The following KLHL4 variants were observed in gnomAD, a reference collection of about 807,000 sequenced individuals.
KLHL4 encodes the protein kelch like family member 4, also known as kelch-like protein 4.
A neutral mutation model predicts 45.8 loss-of-function variants in KLHL4; 17 were observed. The observed-to-expected ratio is 0.37, with a 90% CI of 0.25 to 0.56. The LOEUF is 0.56. Ranked by LOEUF, KLHL4 falls within the 20% of genes least tolerant of loss-of-function variation. The probability of loss-of-function intolerance (pLI) is 0.79; values close to 1 mark genes in which losing one functional copy is unlikely to be tolerated. For synonymous variants in KLHL4, 224 were observed against 189.9 expected (o/e 1.18, Z -1.47); for missense variants, 544 against 544.9 (o/e 1.00, Z 0.02).
At chrX:87,533,783 T>C (rs1049128715) in intron 1 of KLHL4, among the ~76,000 whole-genome samples, 7 of 111,470 alleles carry the variant, frequency 6.3e-5, no homozygotes, top group African/African-American at 2.3e-4. Flanking sequence ...AATTTTCTCA[T>C]TGTTAGTAAT....
intron 9 of KLHL4, among the ~76,000 whole-genome samples, chrX:87,657,109 A>G (rs1160862314): frequency 2.7e-5 from 3 of 111,786 alleles, no homozygotes; most frequent in Non-Finnish European, 5.6e-5. Flanking sequence ...CATTGGTGTC[A>G]ATGGATTTTG....
At chrX:87,576,756 G>A (rs1054138541) in intron 1 of KLHL4, among the ~76,000 whole-genome samples, 6 of 111,266 alleles carry the variant, frequency 5.4e-5, no homozygotes, top group Non-Finnish European at 1.1e-4. Flanking sequence ...TTGATCAATT[G>A]TATGCAGTCT....
intron 1 of KLHL4, among the ~76,000 whole-genome samples, chrX:87,541,910 G>A (rs1168651996): frequency 9.0e-6 from 1 of 111,672 alleles, no homozygotes; most frequent in South Asian, 3.8e-4. Flanking sequence ...ATAGTAATGT[G>A]AGCAACGAAG....
chrX:87,556,369 G>A (rs1322978136), intron 1 of KLHL4, among the ~76,000 whole-genome samples: 1 of 109,794 alleles, frequency 9.1e-6, no homozygotes, highest in Admixed American at 9.8e-5. Context: ...CATGTCCTTT[G>A]TAGGGACATG....
At chrX:87,533,664 C>A (rs1931361908) in intron 1 of KLHL4, among the ~76,000 whole-genome samples, 1 of 108,898 alleles carries the variant, frequency 9.2e-6, no homozygotes, top group East Asian at 2.9e-4. Flanking sequence ...TGTAACTAAC[C>A]TGCACATTGT....
Position 87,667,093 on chromosome X carries a change from A to AAAAAT in KLHL4, c.*562_*563insATAAA, listed in dbSNP as rs1180365115. 1.3e-6 allele frequency: 1 copy of AAAAAT among 748,121 alleles called. No individual in the cohort carries two copies. Among genetic ancestry groups the AAAAAT allele is most frequent in the Non-Finnish European group, 1.6e-6 (1 of 635,737 alleles). The allele number at this position is 748,121 out of a possible 1,213,427, so 61.7% of individuals were successfully genotyped here. ...AAGCTTTTACTGTGTTGAAGCTAAA[A>AAAAAT]AAATAATGGCTCTTTGACAAAACTT... On this transcript the variant is annotated 3_prime_UTR_variant, in exon 11 of 11. Coordinates refer to ENST00000373119, the MANE Select transcript of KLHL4 (RefSeq NM_019117.5).
intron 1 of KLHL4, among the ~76,000 whole-genome samples, chrX:87,527,961 C>T (rs977167268): frequency 1.6e-4 from 18 of 111,226 alleles, no homozygotes; most frequent in African/African-American, 2.9e-4. Context: ...AATTCTGTAA[C>T]ATCACAACCT....
At chrX:87,558,923 G>T (rs1932037577) in intron 1 of KLHL4, among the ~76,000 whole-genome samples, 1 of 112,027 alleles carries the variant, frequency 8.9e-6, no homozygotes, top group Non-Finnish European at 1.9e-5. Context: ...TTAAAATAGG[G>T]TAATAAAAAC....
intron 9 of KLHL4, among the ~76,000 whole-genome samples, chrX:87,639,906 G>T (rs766671284): frequency 1.8e-5 from 2 of 109,891 alleles, no homozygotes; most frequent in Non-Finnish European, 3.8e-5. Context: ...ACACACAGCT[G>T]GTTCTTTGAA....
intron 1 of KLHL4, among the ~76,000 whole-genome samples, chrX:87,606,788 C>A (rs1922212613): frequency 1.8e-5 from 2 of 111,035 alleles, no homozygotes; most frequent in African/African-American, 6.5e-5. Context: ...TGTTTATCAG[C>A]ATTATTAATT....
intron 1 of KLHL4, among the ~76,000 whole-genome samples, chrX:87,521,853 G>T (rs1931007799): frequency 8.9e-6 from 1 of 112,195 alleles, no homozygotes; most frequent in South Asian, 3.7e-4. Context: ...GTGATTTTAG[G>T]ATCACATGTG....
In KLHL4 at chrX:87,669,237, A is replaced by T; in HGVS notation, c.*2703A>T. 1.7e-6 allele frequency: 2 copies of T among 1,157,868 alleles called. No individual in the cohort carries two copies. The highest frequency in any genetic ancestry group is 2.3e-6 in the Non-Finnish European group (2 of 866,788). On this transcript the variant is annotated 3_prime_UTR_variant, in exon 11 of 11. Transcript: ENST00000373119. ...TTCTTGATTTTTTTCTATAATCACTATGACCGTGTTCACGATTCCCTACTC... is the reference window on the plus strand; with the variant it reads ...TTCTTGATTTTTTTCTATAATCACTTTGACCGTGTTCACGATTCCCTACTC...
At chrX:87,550,615 G>T (rs1931790592) in intron 1 of KLHL4, among the ~76,000 whole-genome samples, 1 of 110,960 alleles carries the variant, frequency 9.0e-6, no homozygotes, top group Non-Finnish European at 1.9e-5. Context: ...TAACAAAATA[G>T]TAGCTAACTG....
rs192357813 is a variant in KLHL4 at position 87,637,192 on chromosome X, C to A, written c.1925+1417C>A. On this transcript the variant is annotated intron_variant, in intron 9 of 10. Coordinates refer to ENST00000373119, the MANE Select transcript of KLHL4 (RefSeq NM_019117.5). ...AGGACTCATGGCAGACACTCCCCACCCCAGTAGCTCTGCTGGGTGGCTAGA... is the reference window on the plus strand; with the variant it reads ...AGGACTCATGGCAGACACTCCCCACACCAGTAGCTCTGCTGGGTGGCTAGA... Among the ~76,000 whole-genome samples the A allele has an allele frequency of 1.5e-3, 169 of 111,495 alleles. 1 individual carries two copies. Among genetic ancestry groups the A allele is most frequent in the African/African-American group, 5.2e-3 (160 of 30,633 alleles).
intron 8 of KLHL4, 126 bp from the exon 9 acceptor site, chrX:87,635,437 A>T: frequency 6.3e-6 from 3 of 478,261 alleles, no homozygotes; most frequent in Non-Finnish European, 1.1e-5. Context: ...TAGAATATAT[A>T]GTCAGACCCT....
At chrX:87,593,204 A>G (rs1921732555) in intron 1 of KLHL4, among the ~76,000 whole-genome samples, 1 of 111,031 alleles carries the variant, frequency 9.0e-6, no homozygotes, top group African/African-American at 3.3e-5. Context: ...CTTGGAGTTC[A>G]TTATACTTCT....
rs191605910 is a variant in KLHL4, at chrX:87,565,056, G to A, written c.422+46741G>A. ...AATATTTAGAAATTAAAGAATACACGTTTGAACAAGGAATGGGTGAACAAA... is the reference window on the plus strand; with the variant it reads ...AATATTTAGAAATTAAAGAATACACATTTGAACAAGGAATGGGTGAACAAA... On this transcript the variant is annotated intron_variant, in intron 1 of 10. Coordinates refer to ENST00000373119, the MANE Select transcript of KLHL4 (RefSeq NM_019117.5). Among the ~76,000 whole-genome samples, 572 of 111,952 alleles carry A rather than the reference G, an allele frequency of 5.1e-3. 3 individuals carry two copies. The highest frequency in any genetic ancestry group is 0.017 in the African/African-American group (528 of 30,925).
chrX:87,617,798 C>T (rs1427145663), intron 3 of KLHL4, 134 bp from the exon 4 acceptor site: 11 of 478,954 alleles, frequency 2.3e-5, no homozygotes, highest in Non-Finnish European at 3.8e-5. Context: ...GTATATTAGC[C>T]TCAAAATGTG....
At chrX:87,653,986 G>A (rs1007011927) in intron 9 of KLHL4, among the ~76,000 whole-genome samples, 5 of 110,581 alleles carry the variant, frequency 4.5e-5, no homozygotes, top group South Asian at 3.9e-4. Flanking sequence ...TCAGGGGAGT[G>A]TGGGGGTCGG....
Sources: gnomAD v4.1 joint callset for allele counts (sites outside exome capture counted in the v4.1 genomes callset) on GRCh38, gnomAD v4.1.1 for gene constraint, MANE v1.5 for transcripts, NCBI Gene and HGNC (gene_info 2026-07-23, HGNC 2026-07-21) for gene names.